The following DYRK1A variants were observed in gnomAD, a reference collection of about 807,000 sequenced individuals.
DYRK1A encodes dual specificity tyrosine phosphorylation regulated kinase 1A.
DYRK1A carries 9 observed loss-of-function variants against 79.7 expected under a neutral mutation model. That is an observed-to-expected ratio of 0.11 (90% confidence interval 0.07 to 0.20). The LOEUF is 0.20. Among genes scored for constraint, DYRK1A ranks in the 10% least tolerant of loss-of-function variants. The probability of loss-of-function intolerance (pLI) is 1.00; values close to 1 mark genes in which losing one functional copy is unlikely to be tolerated. For synonymous variants in DYRK1A, 349 were observed against 329.7 expected (o/e 1.06, Z -0.63); for missense variants, 622 against 956.0 (o/e 0.65, Z 4.61).
rs1052712099 is a variant in DYRK1A at position 37,513,843 on chromosome 21, A to C, written c.*1312A>C. On this transcript the variant is annotated 3_prime_UTR_variant, in exon 12 of 12. Transcript: ENST00000647188. ...TGTACCAAAGCTGTTTTTATAGCACATAGATGTCTGTAACCAATAATGTAG... is the reference window on the plus strand; with the variant it reads ...TGTACCAAAGCTGTTTTTATAGCACCTAGATGTCTGTAACCAATAATGTAG... The C allele has an allele frequency of 6.6e-6, 1 of 152,652 alleles. No individual in the cohort carries two copies. Among genetic ancestry groups the C allele is most frequent in the Admixed American group, 6.5e-5 (1 of 15,288 alleles). 9.5% of individuals were successfully genotyped at this position (152,652 alleles called of 1,614,324 possible).
intron 1 of DYRK1A, among the ~76,000 whole-genome samples, chr21:37,379,237 G>A (rs187218403): frequency 3.3e-5 from 5 of 151,994 alleles, no homozygotes; most frequent in Admixed American, 2.0e-4. Flanking sequence ...AAGAAGGAGG[G>A]TTTGGAAGGC....
chr21:37,477,957 G>C (rs1174000705), intron 3 of DYRK1A, among the ~76,000 whole-genome samples: 1 of 152,140 alleles, frequency 6.6e-6, no homozygotes, highest in Non-Finnish European at 1.5e-5. Flanking sequence ...TTTAAATTTG[G>C]CGGAATAGGA....
At chr21:37,445,304 C>G (rs2051232494) in intron 2 of DYRK1A, among the ~76,000 whole-genome samples, 1 of 152,146 alleles carries the variant, frequency 6.6e-6, no homozygotes, top group African/African-American at 2.4e-5. Flanking sequence ...AGTAATGGAA[C>G]TATTTGTGAT....
intron 2 of DYRK1A, among the ~76,000 whole-genome samples, chr21:37,441,825 C>G (rs1009856129): frequency 6.6e-6 from 1 of 151,998 alleles, no homozygotes; most frequent in African/African-American, 2.4e-5. Flanking sequence ...GTCTTCATTC[C>G]TTTGTATAGG....
chr21:37,432,525 T>C (rs1392935352), intron 2 of DYRK1A, among the ~76,000 whole-genome samples: 1 of 152,184 alleles, frequency 6.6e-6, no homozygotes, highest in African/African-American at 2.4e-5. Context: ...TGCCAGACTT[T>C]TGAATATTTT....
At chr21:37,502,843 C>G (rs1216955289) in intron 9 of DYRK1A, 1 of 151,766 alleles carries the variant, frequency 6.6e-6, no homozygotes, top group Non-Finnish European at 1.5e-5. Context: ...ACTTGTTTAC[C>G]TTTATTTTTT....
intron 9 of DYRK1A, chr21:37,502,826 T>G (rs1241402348): frequency 6.6e-6 from 1 of 152,212 alleles, no homozygotes; most frequent in Non-Finnish European, 1.5e-5. Flanking sequence ...GGTGTTGATC[T>G]GAAAATACTT....
At chr21:37,443,909 T>G (rs2051185059) in intron 2 of DYRK1A, among the ~76,000 whole-genome samples, 1 of 152,180 alleles carries the variant, frequency 6.6e-6, no homozygotes, top group African/African-American at 2.4e-5. Flanking sequence ...GCAGCAAAGC[T>G]TTTTTCCAAA....
chr21:37,499,343 T>G (rs1046856408), intron 9 of DYRK1A, among the ~76,000 whole-genome samples: 2 of 152,214 alleles, frequency 1.3e-5, no homozygotes, highest in Non-Finnish European at 2.9e-5. Flanking sequence ...TATGCTTACC[T>G]AGTAGTTACA....
rs375900539 is a variant in DYRK1A at position 37,442,502 on chromosome 21, T to C, written c.10+22118T>C. ...AGGTCACTAGTCCTTTTTTCTGTAC[T>C]ATCTAACCTTTTATTAGTTTTACCC... is the stretch of plus-strand genomic sequence containing the variant. On this transcript the variant is annotated intron_variant, in intron 2 of 11. Transcript: ENST00000647188. 3.0e-4 allele frequency among the ~76,000 whole-genome samples: 45 copies of C among 152,348 alleles called. 1 individual carries two copies. The South Asian group carries it at 8.9e-3, about 30-fold the overall frequency.
intron 1 of DYRK1A, among the ~76,000 whole-genome samples, chr21:37,385,397 GA>G (rs910310155): frequency 5.9e-5 from 9 of 152,126 alleles, no homozygotes; most frequent in African/African-American, 2.2e-4. Flanking sequence ...TTGTTGGCAG[GA>G]TTCTGTTCTT....
intron 1 of DYRK1A, among the ~76,000 whole-genome samples, chr21:37,403,663 A>ATGTGTGTGTGTGTGTG (rs761056038): frequency 8.2e-6 from 1 of 121,518 alleles, no homozygotes; most frequent in Non-Finnish European, 1.7e-5. Context: ...ATATATATAT[A>ATGTGTGTGTGTGTGTG]TGTGTGTGTG....
chr21:37,521,337 T>C lies in DYRK1A; in HGVS notation c.*8806T>C, dbSNP rs2053934017. 2 of 152,214 alleles carry C rather than the reference T, an allele frequency of 1.3e-5. No individual in the cohort carries two copies. Among genetic ancestry groups the C allele is most frequent in the South Asian group, 4.1e-4 (2 of 4,830 alleles). 9.4% of individuals were successfully genotyped at this position (152,214 alleles called of 1,614,324 possible). A position where few individuals can be genotyped will look rare whatever the true frequency, so the allele number is the denominator to read the frequency against. The stretch of plus-strand genomic sequence containing the variant: ...ACTCTGAATCAAAGAAAACAATCAG[T>C]ACTAACCCTGGAAACAATTTAAAAA... On this transcript the variant is annotated 3_prime_UTR_variant, in exon 12 of 12. Coordinates refer to ENST00000647188, the MANE Select transcript of DYRK1A (RefSeq NM_001347721.2).
At chr21:37,383,754 CAAG>C (rs2049705225) in intron 1 of DYRK1A, among the ~76,000 whole-genome samples, 1 of 150,584 alleles carries the variant, frequency 6.6e-6, no homozygotes, top group Non-Finnish European at 1.5e-5. Flanking sequence ...GTAGAGTAAA[CAAG>C]AAAGCAAATA....
chr21:37,506,397 C>T (rs1456502686), intron 11 of DYRK1A, 174 bp downstream of exon 11: 2 of 1,519,014 alleles, frequency 1.3e-6, no homozygotes, highest in African/African-American at 1.4e-5. Context: ...CAGTTTTCCT[C>T]CTCCTTGTCT....
chr21:37,519,748 T>TTTTGTTTTGTTTTGGTTTGTTTTG lies in DYRK1A; in HGVS notation c.*7220_*7221insGTTTTGTTTTGGTTTGTTTTGTTT, dbSNP rs1306641734. ...TTTGTTGTGGGAAGTTTTTTTTTTTTTTTTTTTTTTTGAGGCGGAGTCTCG... is the reference window on the plus strand; with the variant it reads ...TTTGTTGTGGGAAGTTTTTTTTTTTTTTTGTTTTGTTTTGGTTTGTTTTGTTTTTTTTTTTGAGGCGGAGTCTCG... On this transcript the variant is annotated 3_prime_UTR_variant, in exon 12 of 12. Transcript: ENST00000647188. 7.9e-6 allele frequency: 1 copy of TTTTGTTTTGTTTTGGTTTGTTTTG among 126,718 alleles called. No individual in the cohort carries two copies. Among genetic ancestry groups the TTTTGTTTTGTTTTGGTTTGTTTTG allele is most frequent in the Admixed American group, 7.5e-5 (1 of 13,370 alleles). 7.8% of individuals were successfully genotyped at this position (126,718 alleles called of 1,614,324 possible).
chr21:37,472,614 TTAGA>T, intron 2 of DYRK1A, 66 bp from the exon 3 acceptor site: 1 of 1,310,648 alleles, frequency 7.6e-7, no homozygotes, highest in African/African-American at 1.5e-5. Context: ...TAAGGAACCA[TTAGA>T]TATGTCAAAT....
intron 2 of DYRK1A, among the ~76,000 whole-genome samples, chr21:37,465,912 A>G (rs1361632947): frequency 6.6e-6 from 1 of 152,212 alleles, no homozygotes; most frequent in Non-Finnish European, 1.5e-5. Context: ...TTGAAAAACA[A>G]TTTGCAGGCA....
intron 2 of DYRK1A, among the ~76,000 whole-genome samples, chr21:37,441,568 T>A (rs935734250): frequency 6.6e-6 from 1 of 152,142 alleles, no homozygotes; most frequent in African/African-American, 2.4e-5. Flanking sequence ...CCTTGTTTTT[T>A]AAATTTAGTG....
Sources: gnomAD v4.1 joint callset for allele counts (sites outside exome capture counted in the v4.1 genomes callset) on GRCh38, gnomAD v4.1.1 for gene constraint, MANE v1.5 for transcripts, NCBI Gene and HGNC (gene_info 2026-07-23, HGNC 2026-07-21) for gene names.